RARB: variants seen among roughly 807,000 people sequenced by gnomAD.
RARB encodes the protein retinoic acid receptor beta, also known as HBV-activated protein.
In RARB, 17 loss-of-function variants were observed where a neutral mutation model predicts 51.9. The ratio of observed to expected loss-of-function variants is 0.33; its 90% CI spans 0.22 to 0.49. The LOEUF (loss-of-function observed/expected upper bound fraction) is 0.49, where lower values mean the gene tolerates loss of function less well. Among genes scored for constraint, RARB ranks in the 20% least tolerant of loss-of-function variants. RARB has a pLI of 0.99. For missense variants in RARB, 369 were observed against 550.8 expected (o/e 0.67, Z 3.30); for synonymous variants, 215 against 195.4 (o/e 1.10, Z -0.84).
intron 5 of RARB, among the ~76,000 whole-genome samples, chr3:25,243,524 G>C (rs1424036460): frequency 6.6e-6 from 1 of 152,194 alleles, no homozygotes; most frequent in East Asian, 1.9e-4. Flanking sequence ...CTGAAGGGGT[G>C]TTGAATTTTA....
intron 5 of RARB, among the ~76,000 whole-genome samples, chr3:25,195,075 A>G (rs942549642): frequency 6.6e-6 from 1 of 152,074 alleles, no homozygotes; most frequent in African/African-American, 2.4e-5. Flanking sequence ...TGTGCTTGAC[A>G]TCAGTCAGTA....
At chr3:25,527,875 C>G (rs1698723693) in intron 3 of RARB, among the ~76,000 whole-genome samples, 1 of 152,152 alleles carries the variant, frequency 6.6e-6, no homozygotes, top group Non-Finnish European at 1.5e-5. Flanking sequence ...CCCTTCGCCC[C>G]CCACAGATTT....
At position 24,976,562 on chromosome 3, in the gene RARB, T is replaced by C. The variant is rs189371323; in HGVS notation, c.-379-83563T>C. ...TTCATGTGTCTGTTGGCTGCATATA[T>C]GTCTTCTTTTGAGAAGTGTCTGTTC... On this transcript the variant is annotated intron_variant, in intron 2 of 11. Transcript: ENST00000383772. 5.9e-3 allele frequency among the ~76,000 whole-genome samples: 895 copies of C among 152,356 alleles called. 13 individuals are homozygous for C. The highest frequency in any genetic ancestry group is 0.024 in the Middle Eastern group (7 of 294).
At chr3:25,180,246 GA>G (rs1190541654) in intron 5 of RARB, among the ~76,000 whole-genome samples, 1 of 152,152 alleles carries the variant, frequency 6.6e-6, no homozygotes, top group African/African-American at 2.4e-5. Context: ...CAAGAATGGA[GA>G]AAAGATGGAG....
At chr3:25,152,384 T>C (rs924138079) in intron 4 of RARB, among the ~76,000 whole-genome samples, 3 of 152,346 alleles carry the variant, frequency 2.0e-5, no homozygotes, top group African/African-American at 7.2e-5. Context: ...TAGCAGTTGG[T>C]ACTTTCTGTT....
chr3:25,447,066 G>T (rs1017782267), intron 1 of RARB, among the ~76,000 whole-genome samples: 20 of 151,962 alleles, frequency 1.3e-4, no homozygotes, highest in Non-Finnish European at 2.2e-4. Flanking sequence ...TCACACTTTT[G>T]TTAGGAGGCA....
chr3:24,867,372 T>C (rs1702869728), intron 2 of RARB, among the ~76,000 whole-genome samples: 1 of 152,182 alleles, frequency 6.6e-6, no homozygotes, highest in African/African-American at 2.4e-5. Flanking sequence ...AATGAGATCT[T>C]TCACTGCCAC....
At chr3:25,140,361 T>C (rs1414914505) in intron 4 of RARB, among the ~76,000 whole-genome samples, 1 of 152,164 alleles carries the variant, frequency 6.6e-6, no homozygotes, top group East Asian at 1.9e-4. Flanking sequence ...AAGAAGTTGA[T>C]TCCAGCCCTC....
intron 5 of RARB, among the ~76,000 whole-genome samples, chr3:25,415,815 C>G (rs1433473694): frequency 6.6e-6 from 1 of 152,158 alleles, no homozygotes; most frequent in African/African-American, 2.4e-5. Context: ...TCAGCAAATA[C>G]TTATTGAGGG....
chr3:24,947,601 G>A (rs571428996), intron 2 of RARB, among the ~76,000 whole-genome samples: 215 of 152,248 alleles, frequency 1.4e-3, no homozygotes, highest in African/African-American at 4.8e-3. Context: ...AGGAAGGCTC[G>A]CAAGTACAGA....
chr3:24,994,081 A>G (rs574631553), intron 2 of RARB, among the ~76,000 whole-genome samples: 56 of 152,266 alleles, frequency 3.7e-4, no homozygotes, highest in Middle Eastern at 3.4e-3. Context: ...GAACCTCCAT[A>G]TGGATCTCCA....
intron 5 of RARB, among the ~76,000 whole-genome samples, chr3:25,232,376 T>G (rs924554899): frequency 1.3e-5 from 2 of 152,170 alleles, no homozygotes; most frequent in African/African-American, 4.8e-5. Context: ...CTGAAAGTCA[T>G]TGCATTGAAT....
At chr3:25,052,063 T>C (rs892501892) in intron 2 of RARB, among the ~76,000 whole-genome samples, 3 of 152,194 alleles carry the variant, frequency 2.0e-5, no homozygotes, top group East Asian at 3.9e-4. Context: ...GTATATGCTT[T>C]TGTGAGCACT....
intron 5 of RARB, among the ~76,000 whole-genome samples, chr3:25,361,331 G>A (rs994478405): frequency 6.6e-6 from 1 of 152,136 alleles, no homozygotes; most frequent in African/African-American, 2.4e-5. Flanking sequence ...AGCTCCATCA[G>A]GTCATTTATG....
At chr3:25,354,251 A>G (rs1238763609) in intron 5 of RARB, among the ~76,000 whole-genome samples, 3 of 152,118 alleles carry the variant, frequency 2.0e-5, no homozygotes, top group East Asian at 1.9e-4. Context: ...TTTGCATTCA[A>G]TAATCAGAAA....
chr3:25,552,310 G>A (rs1217941376), intron 3 of RARB, among the ~76,000 whole-genome samples: 1 of 152,164 alleles, frequency 6.6e-6, no homozygotes, highest in East Asian at 1.9e-4. Context: ...TTATTTTAGA[G>A]TCCAGTGTTC....
At chr3:25,476,799 T>G (rs1425076353) in intron 2 of RARB, among the ~76,000 whole-genome samples, 2 of 152,198 alleles carry the variant, frequency 1.3e-5, no homozygotes, top group Non-Finnish European at 2.9e-5. Context: ...TTTCCTGTAG[T>G]GGAACTTTCA....
intron 1 of RARB, among the ~76,000 whole-genome samples, chr3:24,848,813 T>G (rs918691781): frequency 2.0e-5 from 3 of 152,270 alleles, no homozygotes; most frequent in Admixed American, 6.5e-5. Flanking sequence ...CAGGCCTTAG[T>G]GTGACCTTTC....
intron 5 of RARB, among the ~76,000 whole-genome samples, chr3:25,404,108 C>G (rs1287378127): frequency 6.6e-6 from 1 of 152,090 alleles, no homozygotes; most frequent in Non-Finnish European, 1.5e-5. Context: ...CTGCTCGATT[C>G]TGATTTGAGG....
Sources: gnomAD v4.1 joint callset for allele counts (sites outside exome capture counted in the v4.1 genomes callset) on GRCh38, gnomAD v4.1.1 for gene constraint, MANE v1.5 for transcripts, NCBI Gene and HGNC (gene_info 2026-07-23, HGNC 2026-07-21) for gene names.